The following PRKCZ variants were observed in gnomAD, a reference collection of about 807,000 sequenced individuals.
PRKCZ encodes the protein protein kinase C zeta type.
Under a neutral mutation model 79.5 loss-of-function variants are expected in PRKCZ, and 33 were observed. The ratio of observed to expected loss-of-function variants is 0.41; its 90% CI spans 0.31 to 0.55. The LOEUF (loss-of-function observed/expected upper bound fraction) is 0.55. PRKCZ is among the 20% of genes least tolerant of loss of function. PRKCZ has a pLI of 0.19. For missense variants in PRKCZ, 578 were observed against 813.5 expected, an observed-to-expected ratio of 0.71 and a Z score of 3.52; for synonymous variants, 342 against 320.9, an observed-to-expected ratio of 1.07 and a Z score of -0.70.
At chr1:2,150,141 G>A (rs1258045113) in intron 8 of PRKCZ, among the ~76,000 whole-genome samples, 7 of 136,172 alleles carry the variant, frequency 5.1e-5, no homozygotes, top group Non-Finnish European at 1.1e-4. Flanking sequence ...CAGCCTGGGC[G>A]ACAGAGCCAG....
intron 5 of PRKCZ, chr1:2,141,251 C>G (rs1677244911): frequency 6.6e-6 from 1 of 152,150 alleles, no homozygotes; most frequent in Admixed American, 6.5e-5. Context: ...CCCTTGTCAG[C>G]AGATGTCCTG....
At chr1:2,147,209 C>T (rs1320852222) in intron 7 of PRKCZ, among the ~76,000 whole-genome samples, 1 of 152,142 alleles carries the variant, frequency 6.6e-6, no homozygotes, top group Non-Finnish European at 1.5e-5. Flanking sequence ...TGTCCACTGA[C>T]CTCTCCATCT....
At chr1:2,112,270 C>T (rs181762791) in intron 4 of PRKCZ, among the ~76,000 whole-genome samples, 1 of 152,328 alleles carries the variant, frequency 6.6e-6, no homozygotes, top group East Asian at 1.9e-4. Context: ...TAGACATGAT[C>T]CTTATGTGGG....
chr1:2,076,387 C>T (rs567704839), intron 4 of PRKCZ, among the ~76,000 whole-genome samples: 3 of 152,304 alleles, frequency 2.0e-5, no homozygotes, highest in East Asian at 3.9e-4. Context: ...TCTCCCAGCC[C>T]CTGGGGTTGG....
Position 2,106,611 on chromosome 1 carries a change from A to G in PRKCZ, c.335-28651A>G, listed in dbSNP as rs77031278. ...GTGGGCGAGGACCTCCACACGTGTC[A>G]CCAGGCCAGGTAACTCTCAGCAAGC... is the stretch of plus-strand genomic sequence containing the variant. On this transcript the variant is annotated intron_variant, in intron 4 of 17. Transcript: ENST00000378567. Among the ~76,000 whole-genome samples, 74 of 31,250 alleles carry G rather than the reference A, an allele frequency of 2.4e-3. 15 individuals are homozygous for G. Among genetic ancestry groups the G allele is most frequent in the African/African-American group, 0.011 (55 of 5,152 alleles). 20.5% of individuals were successfully genotyped at this position (31,250 alleles called of 152,430 possible).
chr1:2,119,155 A>G (rs1671344849), intron 4 of PRKCZ, among the ~76,000 whole-genome samples: 1 of 151,862 alleles, frequency 6.6e-6, no homozygotes, highest in Admixed American at 6.6e-5. Flanking sequence ...GGAACGTAGC[A>G]TAAACTACTT....
chr1:2,148,727 C>G (rs1679238012), intron 7 of PRKCZ, 145 bp from the exon 8 acceptor site: 1 of 760,480 alleles, frequency 1.3e-6, no homozygotes, highest in Admixed American at 2.7e-5. Flanking sequence ...TTTCAGAAGA[C>G]TCTAAATTAG....
intron 4 of PRKCZ, among the ~76,000 whole-genome samples, chr1:2,112,723 C>T (rs1255744396): frequency 1.2e-4 from 18 of 149,266 alleles, no homozygotes; most frequent in African/African-American, 4.5e-4. Flanking sequence ...GAGTCTTGCT[C>T]TTGTCGCCCA....
chr1:2,093,761 A>T (rs1047494681), intron 4 of PRKCZ, among the ~76,000 whole-genome samples: 22 of 152,134 alleles, frequency 1.4e-4, no homozygotes, highest in Non-Finnish European at 7.4e-5. Context: ...AGGGCCTCAC[A>T]GAGGACGTGC....
At chr1:2,089,195 G>A (rs1023894983) in intron 4 of PRKCZ, among the ~76,000 whole-genome samples, 1 of 150,794 alleles carries the variant, frequency 6.6e-6, no homozygotes, top group Non-Finnish European at 1.5e-5. Context: ...TGTTCGCGAG[G>A]TCCCTGGGCA....
rs1678373080 is a variant in PRKCZ, at chr1:2,145,785, G to A, written c.553-242G>A. On this transcript the variant is annotated intron_variant, in intron 6 of 17. Transcript: ENST00000378567. The stretch of plus-strand genomic sequence containing the variant: ...ACAAAAATTAGCCAGGCATGGTGGT[G>A]CGCACCTGTAGTGCCCGCTGCTCTG... Among the ~76,000 whole-genome samples, 3 of 152,118 alleles carry A rather than the reference G, an allele frequency of 2.0e-5. No homozygotes were observed. The South Asian group carries it at 6.2e-4, about 31-fold the overall frequency.
rs1324831286 is a variant in PRKCZ, at chr1:2,149,587, A to G, written c.687+663A>G. ...TAGAAAGCAGAATCTGAGGCTGAGC[A>G]CGGCGACTCACACCTCCAATCCCAG... On this transcript the variant is annotated intron_variant, in intron 8 of 17. Coordinates refer to ENST00000378567, the MANE Select transcript of PRKCZ (RefSeq NM_002744.6). The surrounding 1 kb of genome is among the most constrained non-coding windows in gnomAD (Gnocchi z 4.1). Among the ~76,000 whole-genome samples the G allele has an allele frequency of 6.6e-6, 1 of 152,234 alleles. No homozygotes were observed. The highest frequency in any genetic ancestry group is 2.4e-5 in the African/African-American group (1 of 41,466).
At chr1:2,181,146 A>G (rs914921087) in intron 16 of PRKCZ, among the ~76,000 whole-genome samples, 32 of 139,378 alleles carry the variant, frequency 2.3e-4, no homozygotes, top group African/African-American at 8.5e-4. Flanking sequence ...TACGGACAGC[A>G]GGGTCGTCCT....
chr1:2,081,259 C>T (rs957434592), intron 4 of PRKCZ, among the ~76,000 whole-genome samples: 4 of 151,206 alleles, frequency 2.6e-5, no homozygotes, highest in African/African-American at 4.8e-5. Flanking sequence ...AATCGGATAC[C>T]GTGTCGCTTA....
At chr1:2,088,373 A>G (rs1419777586) in intron 4 of PRKCZ, among the ~76,000 whole-genome samples, 2 of 151,596 alleles carry the variant, frequency 1.3e-5, no homozygotes, top group African/African-American at 4.8e-5. Context: ...GCCCCTTTCC[A>G]TCGTGGGCTT....
chr1:2,158,949 G>A (rs904384660), intron 10 of PRKCZ, among the ~76,000 whole-genome samples: 4 of 151,006 alleles, frequency 2.6e-5, no homozygotes, highest in African/African-American at 7.3e-5. Context: ...TTTTTGAGAC[G>A]GAGTCTTGCT....
intron 5 of PRKCZ, among the ~76,000 whole-genome samples, chr1:2,137,077 G>A (rs1039336178): frequency 6.6e-6 from 1 of 152,192 alleles, no homozygotes; most frequent in East Asian, 1.9e-4. Context: ...CTCAGAAGCA[G>A]GGAAGCCGAC....
At chr1:2,112,962 G>A (rs548888595) in intron 4 of PRKCZ, among the ~76,000 whole-genome samples, 2 of 152,246 alleles carry the variant, frequency 1.3e-5, no homozygotes, top group Non-Finnish European at 2.9e-5. Context: ...AAAGTGCTGG[G>A]ATTACAGGCT....
At chr1:2,048,605 C>T (rs1047054992), upstream of PRKCZ, among the ~76,000 whole-genome samples, 2 of 151,980 alleles carry the variant, frequency 1.3e-5, no homozygotes, top group African/African-American at 2.4e-5. Flanking sequence ...GGGGGGACTT[C>T]GATGACCCAG....
Sources: allele counts gnomAD v4.1 joint callset (sites outside exome capture counted in the v4.1 genomes callset), GRCh38; gene constraint gnomAD v4.1.1; non-coding constraint Gnocchi (gnomAD v3.1); transcripts MANE v1.5; gene names NCBI Gene and HGNC (gene_info 2026-07-23, HGNC 2026-07-21).